The following GLS variants were observed in gnomAD, a reference collection of about 807,000 sequenced individuals.
GLS encodes the protein glutaminase kidney isoform, mitochondrial.
Under a neutral mutation model 86.7 loss-of-function variants are expected in GLS, and 36 were observed. The ratio of observed to expected loss-of-function variants is 0.42; its 90% CI spans 0.32 to 0.55. The LOEUF (loss-of-function observed/expected upper bound fraction) is 0.55. Ranked by LOEUF, GLS falls within the 20% of genes least tolerant of loss-of-function variation. The pLI, the probability that GLS is intolerant of heterozygous loss-of-function variation, is 0.17. For missense variants in GLS, 528 were observed against 833.4 expected (o/e 0.63, Z 4.51); for synonymous variants, 317 against 305.9 (o/e 1.04, Z -0.38).
Position 190,905,349 on chromosome 2 carries a change from T to G in GLS, c.979+182T>G, listed in dbSNP as rs1022281558. 6.5e-5 allele frequency: 34 copies of G among 522,946 alleles called. 1 individual carries two copies. The highest frequency in any genetic ancestry group is 6.0e-4 in the African/African-American group (31 of 51,740). 32.4% of individuals were successfully genotyped at this position (522,946 alleles called of 1,614,324 possible). The stretch of plus-strand genomic sequence containing the variant: ...GATTATTTTAGGCATCTCATACCAC[T>G]GGGAAGTGGGCTAGGGAGAACATGA... On this transcript the variant is annotated intron_variant, in intron 6 of 17. Coordinates refer to ENST00000320717, the MANE Select transcript of GLS (RefSeq NM_014905.5). This position sits in a 1 kb window ranked among gnomAD's most constrained non-coding sequence, Gnocchi z 4.6.
chr2:190,887,430 A>G (rs751503970), intron 1 of GLS, among the ~76,000 whole-genome samples: 6 of 152,300 alleles, frequency 3.9e-5, no homozygotes, highest in Non-Finnish European at 8.8e-5. Flanking sequence ...AGAAATGTTT[A>G]TAGTAAAAGC....
At position 190,930,629 on chromosome 2, in the gene GLS, T is replaced by C; in HGVS notation, c.1557+61T>C. The C allele has an allele frequency of 6.7e-7, 1 of 1,491,496 alleles. No individual in the cohort carries two copies. The highest frequency in any genetic ancestry group is 9.2e-7 in the Non-Finnish European group (1 of 1,088,760). The allele number at this position is 1,491,496 out of a possible 1,614,324, so 92.4% of individuals were successfully genotyped here. ...CAAGTTGAGCCATCCAATGATTCTT[T>C]TTTTTAACCCATTTTCCATAGTTCA... On this transcript the variant is annotated intron_variant, in intron 13 of 17. Coordinates refer to ENST00000320717, the MANE Select transcript of GLS (RefSeq NM_014905.5). The surrounding 1 kb of genome is among the most constrained non-coding windows in gnomAD (Gnocchi z 5.0).
At chr2:190,928,199 A>T (rs1689962626) in intron 12 of GLS, among the ~76,000 whole-genome samples, 1 of 152,104 alleles carries the variant, frequency 6.6e-6, no homozygotes, top group South Asian at 2.1e-4. Flanking sequence ...AAACATAACA[A>T]TAATACAGTT....
At chr2:190,932,158 T>C (rs1323439557) in intron 14 of GLS, among the ~76,000 whole-genome samples, 1 of 151,978 alleles carries the variant, frequency 6.6e-6, no homozygotes, top group Non-Finnish European at 1.5e-5. Context: ...GAAATATTTT[T>C]TTCCACCGTG....
At chr2:190,909,470 TC>T (rs747321110) in intron 6 of GLS, among the ~76,000 whole-genome samples, 1 of 152,108 alleles carries the variant, frequency 6.6e-6, no homozygotes, top group East Asian at 1.9e-4. Context: ...CAATCCCTTC[TC>T]CCCCCTCCCC....
At position 190,895,175 on chromosome 2, in the gene GLS, C is replaced by T; in HGVS notation, c.410C>T (p.Pro137Leu). The T allele has an allele frequency of 6.5e-7, 1 of 1,535,918 alleles. No individual in the cohort carries two copies. Among genetic ancestry groups the T allele is most frequent in the Non-Finnish European group, 9.0e-7 (1 of 1,112,526 alleles). The stretch of plus-strand genomic sequence containing the variant: ...AGTAAAATAAAACAGGGTCTGTTAC[C>T]TAGCTTGGAAGATTTGCTGTTCTAT... ...GENKIKQGLL[P>L]SLEDLLFYTI... Residue 137 changes from proline to leucine, a missense_variant, in exon 2 of 18, where the codon CCT (proline) becomes CTT (leucine). Physicochemically the swap from Pro to Leu is moderately conservative, Grantham distance 98 (BLOSUM62 -3). This residue lies in a region of GLS where 111 missense variants were observed against 179.5 expected (regional missense o/e 0.62). Coordinates refer to ENST00000320717, the MANE Select transcript of GLS (RefSeq NM_014905.5). This position sits in a 1 kb window ranked among gnomAD's most constrained non-coding sequence, Gnocchi z 4.2.
Position 190,895,695 on chromosome 2 carries a change from G to T in GLS, c.575G>T (p.Gly192Val). 6.3e-7 allele frequency: 1 copy of T among 1,595,102 alleles called. No individual in the cohort carries two copies. Among genetic ancestry groups the T allele is most frequent in the East Asian group, 2.2e-5 (1 of 44,668 alleles). Residue 192 changes from glycine to valine, a missense_variant, in exon 3 of 18, where the codon GGT (glycine) becomes GTT (valine). Physicochemically the swap from Gly to Val is moderately radical, Grantham distance 109. This residue lies in a region of GLS where 111 missense variants were observed against 179.5 expected (regional missense o/e 0.62). Coordinates refer to ENST00000320717, the MANE Select transcript of GLS (RefSeq NM_014905.5). The surrounding 1 kb of genome is among the most constrained non-coding windows in gnomAD (Gnocchi z 4.2). Reference protein sequence around the residue: ...LRLTLQTTSDGVMLDKDLFKK... With the variant: ...LRLTLQTTSDVVMLDKDLFKK... Reference sequence around the variant, plus strand: ...TTAACTCTTCAAACAACATCAGATGGTGTCATGCTAGACAAAGATCTTTTT... The same window carrying T: ...TTAACTCTTCAAACAACATCAGATGTTGTCATGCTAGACAAAGATCTTTTT...
At chr2:190,932,978 C>A in intron 14 of GLS, 2 of 1,235,654 alleles carry the variant, frequency 1.6e-6, no homozygotes, top group Middle Eastern at 6.3e-4. Flanking sequence ...ATCTTGGGTG[C>A]TGGAGCCATA....
Position 190,881,281 on chromosome 2 carries a change from A to T in GLS, c.197A>T (p.Glu66Val). Residue 66 changes from glutamate to valine, a missense_variant, in exon 1 of 18, where the codon GAG (glutamate) becomes GTG (valine). By Grantham distance (121) the Glu-to-Val change is moderately radical (BLOSUM62 -2). Around this residue, in one of 4 missense-constraint regions of GLS, gnomAD observed 224 missense variants for 187.9 expected, o/e 1.19. Transcript: ENST00000320717. ...PWWGGGGWPA[E>V]PLARGLSSSP... ...TGGGGCGGGGGCGGCTGGCCGGCGGAGCCCCTCGCGCGGGGCCTGTCCAGC... is the reference window on the plus strand; with the variant it reads ...TGGGGCGGGGGCGGCTGGCCGGCGGTGCCCCTCGCGCGGGGCCTGTCCAGC... The T allele has an allele frequency of 1.5e-6, 2 of 1,327,094 alleles. No homozygotes were observed. The highest frequency in any genetic ancestry group is 9.7e-7 in the Non-Finnish European group (1 of 1,034,996). 82.2% of individuals were successfully genotyped at this position (1,327,094 alleles called of 1,614,324 possible).
At chr2:190,939,808 A>T (rs1377008284) in intron 14 of GLS, among the ~76,000 whole-genome samples, 1 of 151,802 alleles carries the variant, frequency 6.6e-6, no homozygotes, top group Non-Finnish European at 1.5e-5. Flanking sequence ...ATAAATTATT[A>T]ATTGAATTCC....
In GLS at chr2:190,895,971, G is replaced by C. The variant is rs1688724610; in HGVS notation, c.605+246G>C. 1 of 255,512 alleles carries C rather than the reference G, an allele frequency of 3.9e-6. No individual in the cohort carries two copies. Among genetic ancestry groups the C allele is most frequent in the South Asian group, 9.8e-5 (1 of 10,242 alleles). The allele number at this position is 255,512 out of a possible 1,614,324, so 15.8% of individuals were successfully genotyped here. A position where few individuals can be genotyped will look rare whatever the true frequency, so the allele number is the denominator to read the frequency against. On this transcript the variant is annotated intron_variant, in intron 3 of 17. Coordinates refer to ENST00000320717, the MANE Select transcript of GLS (RefSeq NM_014905.5). The surrounding 1 kb of genome is among the most constrained non-coding windows in gnomAD (Gnocchi z 4.2). The stretch of plus-strand genomic sequence containing the variant: ...CCGATGTTTCCAGTTTACAGTACTT[G>C]GAGATTGCATTCAGTTTGAGTAGAG...
At chr2:190,934,809 CTG>C in intron 14 of GLS, 1 of 959,198 alleles carries the variant, frequency 1.0e-6, no homozygotes, top group Non-Finnish European at 1.2e-6. Flanking sequence ...ATCTAAGCTA[CTG>C]TGTTTAGAAA....
intron 3 of GLS, among the ~76,000 whole-genome samples, chr2:190,898,917 C>T (rs918452505): frequency 2.0e-5 from 3 of 152,188 alleles, no homozygotes; most frequent in South Asian, 4.1e-4. Context: ...CGTGAGCCAC[C>T]GTGCCTGGCT....
chr2:190,931,725 GT>G, intron 14 of GLS, 88 bp downstream of exon 14: 1 of 620,084 alleles, frequency 1.6e-6, no homozygotes, highest in Non-Finnish European at 2.9e-6. Context: ...ATCTTAGTTT[GT>G]TAGTGGCCTC....
Position 190,920,688 on chromosome 2 carries a change from TTAAA to T in GLS, c.1039-328_1039-325del, listed in dbSNP as rs1245076368. 6.6e-6 allele frequency among the ~76,000 whole-genome samples: 1 copy of T among 151,710 alleles called. No individual in the cohort carries two copies. The highest frequency in any genetic ancestry group is 2.4e-5 in the African/African-American group (1 of 41,414). On this transcript the variant is annotated intron_variant, in intron 7 of 17. Coordinates refer to ENST00000320717, the MANE Select transcript of GLS (RefSeq NM_014905.5). The surrounding 1 kb of genome is among the most constrained non-coding windows in gnomAD (Gnocchi z 4.2). ...ATTTTAAGTTTTTTTAAATATAAGATTAAATAAATAACACATTTTAGCAAATTAT... is the reference window on the plus strand; with the variant it reads ...ATTTTAAGTTTTTTTAAATATAAGATTAAATAACACATTTTAGCAAATTAT...
chr2:190,934,905 A>G (rs1690225374), intron 14 of GLS: 3 of 978,766 alleles, frequency 3.1e-6, no homozygotes, highest in Non-Finnish European at 3.6e-6. Flanking sequence ...TCAAACTTAA[A>G]AAAGAAAAAA....
In GLS at chr2:190,912,346, CTTTTTTTTT is replaced by C. The variant is rs34419675; in HGVS notation, c.1038+2036_1038+2044del. On this transcript the variant is annotated intron_variant, in intron 7 of 17. Coordinates refer to ENST00000320717, the MANE Select transcript of GLS (RefSeq NM_014905.5). ...GTTTTTAGCATGTGTTTCACAAGTG[CTTTTTTTTT>C]TTTTTTTTTTATGAAGTTCATACAA... Among the ~76,000 whole-genome samples, 248 of 122,492 alleles carry C rather than the reference CTTTTTTTTT, an allele frequency of 2.0e-3. 3 individuals carry two copies. The highest frequency in any genetic ancestry group is 0.016 in the Admixed American group (192 of 12,368). The allele number at this position is 122,492 out of a possible 152,430, so 80.4% of individuals were successfully genotyped here.
In GLS at chr2:190,924,702, G is replaced by A. The variant is rs1320544964; in HGVS notation, c.1248+109G>A. On this transcript the variant is annotated intron_variant, in intron 11 of 17. Coordinates refer to ENST00000320717, the MANE Select transcript of GLS (RefSeq NM_014905.5). This position sits in a 1 kb window ranked among gnomAD's most constrained non-coding sequence, Gnocchi z 5.2. ...GAGGCCAGGGCAGGTGGATCATGAGGTCAAGAGATAGAGGTCATCCTGGCC... is the reference window on the plus strand; with the variant it reads ...GAGGCCAGGGCAGGTGGATCATGAGATCAAGAGATAGAGGTCATCCTGGCC... The A allele has an allele frequency of 2.9e-6, 2 of 679,320 alleles. No homozygotes were observed. Among genetic ancestry groups the A allele is most frequent in the African/African-American group, 1.8e-5 (1 of 55,724 alleles). 42.1% of individuals were successfully genotyped at this position (679,320 alleles called of 1,614,324 possible).
intron 6 of GLS, among the ~76,000 whole-genome samples, chr2:190,909,812 C>T (rs931395573): frequency 2.0e-5 from 3 of 152,078 alleles, no homozygotes; most frequent in Admixed American, 6.5e-5. Flanking sequence ...GAGGCCAAGG[C>T]GGGAGGATTG....
Sources: gnomAD v4.1 joint callset for allele counts (sites outside exome capture counted in the v4.1 genomes callset) on GRCh38, gnomAD v4.1.1 for gene constraint, gnomAD v4.1.1 regional missense constraint, Gnocchi (gnomAD v3.1) non-coding constraint, MANE v1.5 for transcripts, NCBI Gene and HGNC (gene_info 2026-07-23, HGNC 2026-07-21) for gene names.